The following CREB1 variants were observed in gnomAD, a reference collection of about 807,000 sequenced individuals.
The protein encoded by CREB1 is cAMP responsive element binding protein 1, also known as cyclic AMP-responsive element-binding protein 1.
A neutral mutation model predicts 42.0 loss-of-function variants in CREB1; 2 were observed. The ratio of observed to expected loss-of-function variants is 0.05; its 90% CI spans 0.02 to 0.15. The LOEUF is 0.15. Among genes scored for constraint, CREB1 ranks in the 10% least tolerant of loss-of-function variants. The pLI is 1.00. For synonymous variants in CREB1, 123 were observed against 139.9 expected (o/e 0.88, Z 0.85); for missense variants, 199 against 388.9 (o/e 0.51, Z 4.11).
chr2:207,540,795 AATTT>A (rs1286491683), intron 1 of CREB1, among the ~76,000 whole-genome samples: 1 of 152,024 alleles, frequency 6.6e-6, no homozygotes, highest in African/African-American at 2.4e-5. Flanking sequence ...ACAGCTGTAC[AATTT>A]ATTTGTGTTT....
intron 1 of CREB1, among the ~76,000 whole-genome samples, chr2:207,532,656 C>T (rs1204000955): frequency 6.6e-6 from 1 of 151,100 alleles, no homozygotes; most frequent in African/African-American, 2.4e-5. Flanking sequence ...CTGGTGACAG[C>T]GAGACCCCAT....
At chr2:207,590,617 A>G (rs2084852241) in intron 7 of CREB1, among the ~76,000 whole-genome samples, 1 of 152,040 alleles carries the variant, frequency 6.6e-6, no homozygotes, top group Non-Finnish European at 1.5e-5. Flanking sequence ...GTTTCTTAAG[A>G]CAATAGTTGG....
intron 7 of CREB1, among the ~76,000 whole-genome samples, chr2:207,578,870 A>C (rs1410604148): frequency 1.3e-5 from 2 of 151,812 alleles, no homozygotes; most frequent in African/African-American, 4.8e-5. Flanking sequence ...AGCTCACTGC[A>C]GCCTCCACCT....
intron 3 of CREB1, among the ~76,000 whole-genome samples, chr2:207,566,160 C>T (rs1439991334): frequency 6.6e-6 from 1 of 152,160 alleles, no homozygotes; most frequent in Middle Eastern, 3.2e-3. Flanking sequence ...CTACAAGTTA[C>T]TAACTTTACC....
intron 7 of CREB1, among the ~76,000 whole-genome samples, chr2:207,583,253 A>G (rs1359591435): frequency 6.6e-6 from 1 of 152,114 alleles, no homozygotes; most frequent in Non-Finnish European, 1.5e-5. Flanking sequence ...CCTGGGACCA[A>G]TCCCCCACAG....
Position 207,553,909 on chromosome 2 carries a change from G to A in CREB1, c.-8-1719G>A, listed in dbSNP as rs78331407. On this transcript the variant is annotated intron_variant, in intron 1 of 7. Transcript: ENST00000353267. ...CATGCATAAACCTTTACAACAATTT[G>A]TTTTACTTTTTTAAAAAAATAAATG... is the stretch of plus-strand genomic sequence containing the variant. 2.6e-3 allele frequency among the ~76,000 whole-genome samples: 394 copies of A among 151,914 alleles called. 14 individuals are homozygous for A. The East Asian group carries it at 0.066, about 25-fold the overall frequency.
intron 1 of CREB1, among the ~76,000 whole-genome samples, chr2:207,547,910 A>G (rs1463527312): frequency 1.3e-5 from 2 of 151,972 alleles, no homozygotes; most frequent in Non-Finnish European, 2.9e-5. Flanking sequence ...ACCATGCAAT[A>G]TGTTTCTATA....
intron 1 of CREB1, among the ~76,000 whole-genome samples, chr2:207,535,707 T>C (rs1209736629): frequency 6.6e-6 from 1 of 152,098 alleles, no homozygotes; most frequent in East Asian, 1.9e-4. Context: ...GACCAAGTAA[T>C]ACGTATTTCA....
intron 1 of CREB1, chr2:207,534,579 C>T (rs918450423): frequency 1.3e-5 from 2 of 152,184 alleles, no homozygotes; most frequent in South Asian, 2.1e-4. Flanking sequence ...AGATGAATTA[C>T]GCTGTCTTAT....
At position 207,603,862 on chromosome 2, in the gene CREB1, A is replaced by G. The variant is rs2087576241; in HGVS notation, c.*6804A>G. Among the ~76,000 whole-genome samples the G allele has an allele frequency of 1.3e-5, 2 of 152,218 alleles. No homozygotes were observed. The highest frequency in any genetic ancestry group is 4.8e-5 in the African/African-American group (2 of 41,470). Reference sequence around the variant, plus strand: ...CTTAAGCTGTAAGAATAAAAAAGTTATCTCCTATACTATTAACTTCTGAAA... The same window carrying G: ...CTTAAGCTGTAAGAATAAAAAAGTTGTCTCCTATACTATTAACTTCTGAAA... On this transcript the variant is annotated 3_prime_UTR_variant, in exon 8 of 8. Coordinates refer to ENST00000353267, the MANE Select transcript of CREB1 (RefSeq NM_004379.5).
intron 1 of CREB1, among the ~76,000 whole-genome samples, chr2:207,554,528 T>G (rs1278494943): frequency 6.6e-6 from 1 of 152,182 alleles, no homozygotes; most frequent in Non-Finnish European, 1.5e-5. Context: ...CTAGAAACAT[T>G]GCCTATTTTC....
intron 3 of CREB1, among the ~76,000 whole-genome samples, chr2:207,563,327 G>C (rs1488816385): frequency 3.9e-5 from 6 of 152,162 alleles, no homozygotes. Context: ...CCTAGGAATA[G>C]AACTTTGTAA....
At position 207,583,028 on chromosome 2, in the gene CREB1, A is replaced by G. The variant is rs922692761; in HGVS notation, c.839+5373A>G. ...GTTTTCCATAGCCCACATTCAAGAA[A>G]AAAAGTAACAATATAACAATTTTTT... On this transcript the variant is annotated intron_variant, in intron 7 of 7. Transcript: ENST00000353267. 2.6e-5 allele frequency: 4 copies of G among 154,042 alleles called. No homozygotes were observed. The Admixed American group carries it at 2.6e-4, about 10-fold the overall frequency. The allele number at this position is 154,042 out of a possible 1,614,324, so 9.5% of individuals were successfully genotyped here. A position where few individuals can be genotyped will look rare whatever the true frequency, so the allele number is the denominator to read the frequency against.
chr2:207,547,164 C>A (rs1337406046), intron 1 of CREB1, among the ~76,000 whole-genome samples: 1 of 152,180 alleles, frequency 6.6e-6, no homozygotes, highest in Non-Finnish European at 1.5e-5. Context: ...TCTTCCATGT[C>A]CAATTTGTAA....
chr2:207,595,451 C>G (rs916773421), intron 7 of CREB1, among the ~76,000 whole-genome samples: 6 of 151,546 alleles, frequency 4.0e-5, no homozygotes, highest in Non-Finnish European at 8.8e-5. Context: ...GAGACAGCAT[C>G]TTGCTGTCTC....
At position 207,558,789 on chromosome 2, in the gene CREB1, C is replaced by T. The variant is rs545382036; in HGVS notation, c.115-1437C>T. Among the ~76,000 whole-genome samples, 256 of 152,064 alleles carry T rather than the reference C, an allele frequency of 1.7e-3. 1 individual carries two copies. The highest frequency in any genetic ancestry group is 6.0e-3 in the African/African-American group (249 of 41,484). On this transcript the variant is annotated intron_variant, in intron 2 of 7. Transcript: ENST00000353267. ...CCCAAGTAGCTGGGATTACAGGCAC[C>T]TGCCACCATACCTGGCTAATTTTTT... is the stretch of plus-strand genomic sequence containing the variant.
chr2:207,563,484 C>A (rs2082027772), intron 3 of CREB1, among the ~76,000 whole-genome samples: 1 of 152,158 alleles, frequency 6.6e-6, no homozygotes, highest in Non-Finnish European at 1.5e-5. Context: ...TCATTGAAAG[C>A]TTGCATAATT....
intron 1 of CREB1, among the ~76,000 whole-genome samples, chr2:207,537,965 A>G (rs1277795468): frequency 6.6e-6 from 1 of 152,176 alleles, no homozygotes; most frequent in African/African-American, 2.4e-5. Flanking sequence ...TGGGGATGGG[A>G]CCCAAGTCTA....
At chr2:207,591,599 AT>A (rs2085045879) in intron 7 of CREB1, among the ~76,000 whole-genome samples, 1 of 151,890 alleles carries the variant, frequency 6.6e-6, no homozygotes, top group African/African-American at 2.4e-5. Flanking sequence ...CACCCAGCTA[AT>A]TTTTGTATTT....
Sources: allele counts gnomAD v4.1 joint callset (sites outside exome capture counted in the v4.1 genomes callset), GRCh38; gene constraint gnomAD v4.1.1; transcripts MANE v1.5; gene names NCBI Gene and HGNC (gene_info 2026-07-23, HGNC 2026-07-21).